The following GFOD1 variants were observed in gnomAD, a reference collection of about 807,000 sequenced individuals.
GFOD1 encodes glucose-fructose oxidoreductase domain-containing protein 1.
In GFOD1, 9 loss-of-function variants were observed where a neutral mutation model predicts 25.4. The ratio of observed to expected loss-of-function variants is 0.35; its 90% CI spans 0.21 to 0.62. The LOEUF is 0.62. Ranked by LOEUF, GFOD1 falls within the 20% of genes least tolerant of loss-of-function variation. GFOD1 has a pLI of 0.72. For missense variants in GFOD1, 403 were observed against 556.9 expected (o/e 0.72, Z 2.78); for synonymous variants, 253 against 245.6 (o/e 1.03, Z -0.28).
At chr6:13,424,759 C>G (rs1399478651) in intron 1 of GFOD1, among the ~76,000 whole-genome samples, 1 of 151,894 alleles carries the variant, frequency 6.6e-6, no homozygotes, top group African/African-American at 2.4e-5. Context: ...ACTTTTGCAT[C>G]ATTTTGAAAT....
chr6:13,365,489 G>A lies in GFOD1; in HGVS notation c.427C>T (p.Pro143Ser). ...TGCACCTGCACCTCACACACCAGCGGCTCGCCCACGTAGCCCTCCTCGATC... is the reference window on the plus strand; with the variant it reads ...TGCACCTGCACCTCACACACCAGCGACTCGCCCACGTAGCCCTCCTCGATC... ...QLIEEGYVGE[P>S]LVCEVQVHGG... Residue 143 changes from proline (P) to serine (S), a missense_variant, in exon 2 of 2, where the codon CCG (proline) becomes TCG (serine). Coordinates refer to ENST00000379287, the MANE Select transcript of GFOD1 (RefSeq NM_018988.4). The surrounding 1 kb of genome is among the most constrained non-coding windows in gnomAD (Gnocchi z 9.2). 1 of 1,613,348 alleles carries A rather than the reference G, an allele frequency of 6.2e-7. No homozygotes were observed.
intron 1 of GFOD1, among the ~76,000 whole-genome samples, chr6:13,414,358 G>A (rs1368375679): frequency 1.3e-5 from 2 of 152,240 alleles, no homozygotes; most frequent in African/African-American, 4.8e-5. Flanking sequence ...CGGAAGCACT[G>A]GGCAGAGTCG....
chr6:13,433,173 G>GA (rs1757780030), intron 1 of GFOD1, among the ~76,000 whole-genome samples: 2 of 147,506 alleles, frequency 1.4e-5, no homozygotes, highest in African/African-American at 2.5e-5. Flanking sequence ...AGGCTGGAGT[G>GA]CAATGGCACA....
intron 1 of GFOD1, among the ~76,000 whole-genome samples, chr6:13,455,011 A>G (rs997270214): frequency 1.4e-4 from 22 of 152,298 alleles, no homozygotes; most frequent in African/African-American, 4.8e-4. Context: ...ATTTTCCACC[A>G]TCTGATGCAG....
chr6:13,444,692 T>G (rs1179018266), intron 1 of GFOD1, among the ~76,000 whole-genome samples: 1 of 152,168 alleles, frequency 6.6e-6, no homozygotes, highest in Non-Finnish European at 1.5e-5. Context: ...TAAAAAAAAT[T>G]TAATGAAAGT....
At chr6:13,374,279 G>GTGTGTGTGTT (rs1785211887) in intron 1 of GFOD1, among the ~76,000 whole-genome samples, 2 of 146,870 alleles carry the variant, frequency 1.4e-5, no homozygotes, top group Non-Finnish European at 3.0e-5. Context: ...TTTTTTGTGT[G>GTGTGTGTGTT]TGTGTGTGTG....
chr6:13,424,027 T>C (rs1255361275), intron 1 of GFOD1, among the ~76,000 whole-genome samples: 1 of 152,124 alleles, frequency 6.6e-6, no homozygotes, highest in African/African-American at 2.4e-5. Flanking sequence ...CCTGGCTAAT[T>C]TTGTATTTTT....
intron 1 of GFOD1, among the ~76,000 whole-genome samples, chr6:13,467,502 T>C (rs759654723): frequency 1.4e-4 from 22 of 152,086 alleles, no homozygotes; most frequent in Non-Finnish European, 1.5e-4. Context: ...AGGCCCAGGG[T>C]TCTAAAACTG....
At chr6:13,459,370 A>C (rs1214473946) in intron 1 of GFOD1, among the ~76,000 whole-genome samples, 1 of 134,590 alleles carries the variant, frequency 7.4e-6, no homozygotes, top group Admixed American at 7.9e-5. Context: ...GATGGATTAA[A>C]GACTTAAATA....
At chr6:13,480,897 C>A (rs1487752518) in intron 1 of GFOD1, among the ~76,000 whole-genome samples, 1 of 152,214 alleles carries the variant, frequency 6.6e-6, no homozygotes, top group East Asian at 1.9e-4. Flanking sequence ...TTAATTGACA[C>A]ATTCTCTTTA....
intron 1 of GFOD1, among the ~76,000 whole-genome samples, chr6:13,436,586 C>A (rs1584650921): frequency 6.6e-6 from 1 of 152,308 alleles, no homozygotes; most frequent in East Asian, 1.9e-4. Flanking sequence ...TTAACCCATT[C>A]CCCTATTTAC....
At chr6:13,456,025 T>C (rs1317361284) in intron 1 of GFOD1, among the ~76,000 whole-genome samples, 2 of 152,156 alleles carry the variant, frequency 1.3e-5, no homozygotes, top group Non-Finnish European at 2.9e-5. Context: ...CTCTCCTCAT[T>C]TGGCTAAGTT....
At chr6:13,483,453 G>A (rs1758798765) in intron 1 of GFOD1, among the ~76,000 whole-genome samples, 1 of 152,160 alleles carries the variant, frequency 6.6e-6, no homozygotes, top group African/African-American at 2.4e-5. Flanking sequence ...GGCATGTCAC[G>A]CCAATCAGCT....
intron 1 of GFOD1, among the ~76,000 whole-genome samples, chr6:13,484,526 A>T (rs1216238614): frequency 6.6e-6 from 1 of 152,218 alleles, no homozygotes; most frequent in Non-Finnish European, 1.5e-5. Flanking sequence ...CTCAAAACCT[A>T]CCCTAAAAAC....
intron 1 of GFOD1, among the ~76,000 whole-genome samples, chr6:13,466,081 G>A (rs1036573148): frequency 1.3e-5 from 2 of 152,226 alleles, no homozygotes; most frequent in African/African-American, 4.8e-5. Flanking sequence ...GGGCAGATGG[G>A]TGCCACCTCT....
Position 13,365,510 on chromosome 6 carries a change from C to G in GFOD1, c.406G>C (p.Glu136Gln), listed in dbSNP as rs369826547. The change falls in exon 2 of 2, where the codon GAG (glutamate) becomes CAG (glutamine). Residue 136 changes from glutamate to glutamine, a missense_variant. By Grantham distance (29) the Glu-to-Gln change is conservative. Transcript: ENST00000379287. This position sits in a 1 kb window ranked among gnomAD's most constrained non-coding sequence, Gnocchi z 9.2. ...AGCGGCTCGCCCACGTAGCCCTCCT[C>G]GATCAGCTGCTTCATGCGCACGAAA... ...PAFVRMKQLI[E>Q]EGYVGEPLVC... The G allele has an allele frequency of 1.2e-6, 2 of 1,613,068 alleles. No individual in the cohort carries two copies. Among genetic ancestry groups the G allele is most frequent in the Admixed American group, 1.7e-5 (1 of 60,032 alleles).
chr6:13,410,577 G>GGAGTGAGAGAGAGA (rs1786055182), intron 1 of GFOD1, among the ~76,000 whole-genome samples: 1 of 128,086 alleles, frequency 7.8e-6, no homozygotes, highest in Non-Finnish European at 1.6e-5. Flanking sequence ...AAGAAAGAAA[G>GGAGTGAGAGAGAGA]GAGAGAGAGA....
chr6:13,463,911 T>A (rs182320342), intron 1 of GFOD1, among the ~76,000 whole-genome samples: 3 of 152,178 alleles, frequency 2.0e-5, no homozygotes, highest in South Asian at 4.1e-4. Flanking sequence ...TCTAGTTCCA[T>A]CTGCTGGAAT....
intron 1 of GFOD1, among the ~76,000 whole-genome samples, chr6:13,446,744 T>C (rs2127573025): frequency 6.6e-6 from 1 of 152,204 alleles, no homozygotes; most frequent in East Asian, 1.9e-4. Flanking sequence ...AGAAAAAGGG[T>C]AAGGGCCGAT....
Sources: allele counts gnomAD v4.1 joint callset (sites outside exome capture counted in the v4.1 genomes callset), GRCh38; gene constraint gnomAD v4.1.1; non-coding constraint Gnocchi (gnomAD v3.1); transcripts MANE v1.5; gene names NCBI Gene and HGNC (gene_info 2026-07-23, HGNC 2026-07-21).